The following DDX18 variants were observed in gnomAD, a reference collection of about 807,000 sequenced individuals.
The protein encoded by DDX18 is DEAD-box helicase 18.
A neutral mutation model predicts 73.5 loss-of-function variants in DDX18; 23 were observed. The observed-to-expected ratio is 0.31, with a 90% CI of 0.23 to 0.44. DDX18 has a LOEUF of 0.44. Ranked by LOEUF, DDX18 falls within the 20% of genes least tolerant of loss-of-function variation. The probability of loss-of-function intolerance (pLI) is 1.00; values close to 1 mark genes in which losing one functional copy is unlikely to be tolerated. For missense variants in DDX18, 753 were observed against 792.9 expected, an observed-to-expected ratio of 0.95 and a Z score of 0.60; for synonymous variants, 268 against 282.7, an observed-to-expected ratio of 0.95 and a Z score of 0.52.
chr2:117,819,823 T>G (rs985166420), intron 3 of DDX18, 31 bp downstream of exon 3: 5 of 1,529,542 alleles, frequency 3.3e-6, no homozygotes, highest in Non-Finnish European at 3.5e-6. Context: ...TAGAGGTAAC[T>G]TCTTTAAAAT....
intron 11 of DDX18, chr2:117,828,580 A>G: frequency 5.2e-6 from 1 of 191,342 alleles, no homozygotes; most frequent in Non-Finnish European, 1.1e-5. Context: ...GCCTCAATAC[A>G]GGACTGTGGG....
At chr2:117,817,248 G>C (rs766815435) in intron 1 of DDX18, among the ~76,000 whole-genome samples, 196 bp from the exon 2 acceptor site, 1 of 152,114 alleles carries the variant, frequency 6.6e-6, no homozygotes, top group African/African-American at 2.4e-5. Context: ...CCCTTTTCCA[G>C]TATTTTTTCT....
chr2:117,825,338 T>C, intron 9 of DDX18, 109 bp from the exon 10 acceptor site: 3 of 1,341,594 alleles, frequency 2.2e-6, no homozygotes, highest in Non-Finnish European at 3.0e-6. Context: ...AAATAGGACA[T>C]AGGCCAAGGG....
Position 117,821,641 on chromosome 2 carries a change from A to G in DDX18, c.651-9A>G, listed in dbSNP as rs1280534036. ...AAATGTCTTTCTCCTTTCCCTTTTTAATATTTAGGGATCTTCTAGCAGCTG... is the reference window on the plus strand; with the variant it reads ...AAATGTCTTTCTCCTTTCCCTTTTTGATATTTAGGGATCTTCTAGCAGCTG... On this transcript the variant is annotated splice_polypyrimidine_tract_variant and intron_variant, in intron 4 of 13. Transcript: ENST00000263239. The G allele has an allele frequency of 6.2e-7, 1 of 1,613,580 alleles. No homozygotes were observed.
chr2:117,821,063 C>G (rs138376377), intron 3 of DDX18, 98 bp from the exon 4 acceptor site: 1 of 1,193,562 alleles, frequency 8.4e-7, no homozygotes, highest in Non-Finnish European at 1.1e-6. Flanking sequence ...TTTCTTACTG[C>G]GGGAAGCTTT....
At chr2:117,823,426 G>A (rs1679876703) in intron 7 of DDX18, among the ~76,000 whole-genome samples, 1 of 151,896 alleles carries the variant, frequency 6.6e-6, no homozygotes, top group African/African-American at 2.4e-5. Flanking sequence ...AGTTCCAATT[G>A]CTCGTTGCTT....
intron 2 of DDX18, among the ~76,000 whole-genome samples, chr2:117,818,239 G>A (rs1230287695): frequency 6.6e-6 from 1 of 152,144 alleles, no homozygotes; most frequent in Non-Finnish European, 1.5e-5. Flanking sequence ...ATTGAGATTT[G>A]TATAAGCAGA....
chr2:117,824,805 C>T, intron 8 of DDX18, 97 bp downstream of exon 8: 1 of 1,469,672 alleles, frequency 6.8e-7, no homozygotes, highest in South Asian at 1.5e-5. Context: ...GGTTAATGAA[C>T]TTTTAAAATG....
At chr2:117,815,855 C>T (rs1033354506) in intron 1 of DDX18, 2 of 152,106 alleles carry the variant, frequency 1.3e-5, no homozygotes, top group Non-Finnish European at 2.9e-5. Flanking sequence ...AGAAATGTGT[C>T]ATTAGGGGCT....
rs768907886 is a variant in DDX18 at position 117,824,961 on chromosome 2, G to C, written c.1228G>C (p.Glu410Gln). The change falls in exon 9 of 14, where the codon GAA becomes CAA. Residue 410 changes from glutamate (E) to glutamine (Q), a missense_variant. Coordinates refer to ENST00000263239, the MANE Select transcript of DDX18 (RefSeq NM_006773.4). ...CTAGGGATATGTTGTTTGTCCTTCT[G>C]AAAAGAGATTCCTTCTGCTCTTTAC... ...LEQGYVVCPSEKRFLLLFTFL... is the reference protein window; with the variant it reads ...LEQGYVVCPSQKRFLLLFTFL... 1.2e-6 allele frequency: 2 copies of C among 1,611,082 alleles called. No individual in the cohort carries two copies. The highest frequency in any genetic ancestry group is 4.5e-5 in the East Asian group (2 of 44,844).
At chr2:117,823,023 C>G (rs562335601) in intron 7 of DDX18, among the ~76,000 whole-genome samples, 1 of 152,240 alleles carries the variant, frequency 6.6e-6, no homozygotes, top group East Asian at 1.9e-4. Context: ...AAAAAACTGC[C>G]AGATGTTTTC....
In DDX18 at chr2:117,824,547, T is replaced by C. The variant is rs578183080; in HGVS notation, c.1067-22T>C. The C allele has an allele frequency of 1.0e-4, 138 of 1,354,914 alleles. 1 individual carries two copies. In the South Asian group the frequency reaches 3.2e-3, roughly 31 times the overall value. 83.9% of individuals were successfully genotyped at this position (1,354,914 alleles called of 1,614,324 possible). On this transcript the variant is annotated intron_variant, in intron 7 of 13. Transcript: ENST00000263239. The stretch of plus-strand genomic sequence containing the variant: ...AAGATTCCCTAAAAGATTGGGGTTA[T>C]TTTTATATGTATCTGTTTCAGCACG...
intron 7 of DDX18, 104 bp from the exon 8 acceptor site, chr2:117,824,465 A>G: frequency 9.4e-7 from 1 of 1,067,602 alleles, no homozygotes; most frequent in Admixed American, 3.2e-5. Context: ...TAGAAACATC[A>G]TATCTCCCAT....
intron 1 of DDX18, chr2:117,815,664 C>G (rs970876273): frequency 2.0e-5 from 3 of 152,218 alleles, no homozygotes; most frequent in East Asian, 1.9e-4. Flanking sequence ...TTTTGAAATA[C>G]TCTTGTATTT....
At chr2:117,825,358 A>AGAT in intron 9 of DDX18, 89 bp from the exon 10 acceptor site, 2 of 1,390,874 alleles carry the variant, frequency 1.4e-6, no homozygotes, top group Non-Finnish European at 1.9e-6. Context: ...GATGAGCTCG[A>AGAT]AATAGGGTAA....
chr2:117,829,599 G>C (rs145751125), intron 13 of DDX18, 133 bp downstream of exon 13: 7 of 868,632 alleles, frequency 8.1e-6, no homozygotes, highest in Admixed American at 2.5e-5. Context: ...CCTGGTCGAT[G>C]TCTGCTTTTC....
chr2:117,825,134 G>T, intron 9 of DDX18, 33 bp downstream of exon 9: 1 of 1,592,668 alleles, frequency 6.3e-7, no homozygotes. Flanking sequence ...TTGAAAACAG[G>T]GTATGCTTAT....
In DDX18 at chr2:117,819,775, T is replaced by G. The variant is rs779466280; in HGVS notation, c.497T>G (p.Leu166Arg). The change falls in exon 3 of 14, where the codon CTG becomes CGG. Residue 166 changes from leucine to arginine, a missense_variant. Physicochemically the swap from Leu to Arg is moderately radical, Grantham distance 102. Around this residue, in one of 3 missense-constraint regions of DDX18, gnomAD observed 345 missense variants for 352.0 expected, o/e 0.98. Transcript: ENST00000263239. ...NDEDESEVPS[L>R]PLGLTGAFED... ...GAAGATGAGAGTGAGGTGCCCAGTC[T>G]GCCCCTGGGACTGACAGGTAACGTC... is the stretch of plus-strand genomic sequence containing the variant. 5 of 1,592,200 alleles carry G rather than the reference T, an allele frequency of 3.1e-6. No homozygotes were observed. Among genetic ancestry groups the G allele is most frequent in the Non-Finnish European group, 4.3e-6 (5 of 1,173,086 alleles).
Position 117,830,604 on chromosome 2 carries a change from G to A in DDX18, c.1893G>A (p.Lys631=), listed in dbSNP as rs1375976043. ...CAGACGTCAACAGTAATGAAGGCAA[G>A]CAGAAAAAGCGAGGAGGTGGTGGTG... ...VDLNVNSNEG[K]QKKRGGGGGF... is the part of the protein sequence containing the mutation. The change falls in exon 14 of 14, where the codon AAG becomes AAA. Residue 631 remains lysine, a synonymous_variant. Coordinates refer to ENST00000263239, the MANE Select transcript of DDX18 (RefSeq NM_006773.4). 6.2e-6 allele frequency: 10 copies of A among 1,613,518 alleles called. No individual in the cohort carries two copies. The highest frequency in any genetic ancestry group is 1.7e-5 in the Admixed American group (1 of 59,914).
Sources: gnomAD v4.1 joint callset for allele counts (sites outside exome capture counted in the v4.1 genomes callset) on GRCh38, gnomAD v4.1.1 for gene constraint, gnomAD v4.1.1 regional missense constraint, MANE v1.5 for transcripts, NCBI Gene and HGNC (gene_info 2026-07-23, HGNC 2026-07-21) for gene names.